The following CMIP variants were observed in gnomAD, a reference collection of about 807,000 sequenced individuals.
CMIP encodes C-Maf-inducing protein.
A neutral mutation model predicts 97.3 loss-of-function variants in CMIP; 13 were observed. That is an observed-to-expected ratio of 0.13 (90% CI 0.09 to 0.21). The LOEUF is 0.21. Among genes scored for constraint, CMIP ranks in the 10% least tolerant of loss-of-function variants. CMIP has a pLI of 1.00. For missense variants in CMIP, 847 were observed against 1,024.9 expected (o/e 0.83, Z 2.37); for synonymous variants, 538 against 436.3 (o/e 1.23, Z -2.91).
chr16:81,532,142 C>T (rs1248367955), intron 1 of CMIP, among the ~76,000 whole-genome samples: 1 of 152,130 alleles, frequency 6.6e-6, no homozygotes, highest in African/African-American at 2.4e-5. Flanking sequence ...CGCAAGGTGC[C>T]CAGGTCCGAA....
At chr16:81,676,948 C>T (rs1201371242) in intron 9 of CMIP, among the ~76,000 whole-genome samples, 1 of 152,192 alleles carries the variant, frequency 6.6e-6, no homozygotes, top group South Asian at 2.1e-4. Flanking sequence ...CAGCTGTTTT[C>T]AATCGTGCCG....
intron 10 of CMIP, among the ~76,000 whole-genome samples, chr16:81,684,979 G>A (rs927858387): frequency 6.6e-6 from 1 of 152,220 alleles, no homozygotes; most frequent in African/African-American, 2.4e-5. Context: ...GTCCCGAGGC[G>A]GGGACTCTGC....
chr16:81,581,983 TC>T, intron 1 of CMIP, among the ~76,000 whole-genome samples: 1 of 152,174 alleles, frequency 6.6e-6, no homozygotes, highest in Non-Finnish European at 1.5e-5. Context: ...AGCATCAGCT[TC>T]TGGGGAGGCC....
At chr16:81,456,962 A>G (rs532045379) in intron 1 of CMIP, among the ~76,000 whole-genome samples, 1 of 152,110 alleles carries the variant, frequency 6.6e-6, no homozygotes, top group East Asian at 1.9e-4. Flanking sequence ...CCCTCGTTGA[A>G]CCTGGGGTGG....
chr16:81,615,672 CTG>C (rs936457987), intron 2 of CMIP, among the ~76,000 whole-genome samples: 1 of 131,946 alleles, frequency 7.6e-6, no homozygotes, highest in Non-Finnish European at 1.6e-5. Flanking sequence ...GTGTATGTGT[CTG>C]TGTGTGTGGT....
intron 2 of CMIP, among the ~76,000 whole-genome samples, chr16:81,610,754 A>C (rs958944787): frequency 1.3e-5 from 2 of 152,124 alleles, no homozygotes; most frequent in Non-Finnish European, 2.9e-5. Flanking sequence ...GGCGGGGTGC[A>C]CTTGGCCCCT....
intron 1 of CMIP, among the ~76,000 whole-genome samples, chr16:81,492,504 G>A (rs899958395): frequency 4.6e-4 from 70 of 152,282 alleles, no homozygotes; most frequent in African/African-American, 1.5e-3. Flanking sequence ...TCCTCTGGCT[G>A]CAGAGCAGGG....
At chr16:81,617,199 G>A (rs999694272) in intron 2 of CMIP, 1 of 152,276 alleles carries the variant, frequency 6.6e-6, no homozygotes, top group Admixed American at 6.5e-5. Context: ...AGGCCCTGCA[G>A]GTCCCTCAGG....
intron 2 of CMIP, chr16:81,620,063 C>T (rs966034720): frequency 6.6e-6 from 1 of 152,172 alleles, no homozygotes; most frequent in Non-Finnish European, 1.5e-5. Context: ...TGACCACCTG[C>T]CATGTGCCAA....
rs916434204 is a variant in CMIP at position 81,655,245 on chromosome 16, G to T, written c.640-2530G>T. Among the ~76,000 whole-genome samples the T allele has an allele frequency of 2.6e-5, 4 of 152,270 alleles. 2 individuals are homozygous for T. Among genetic ancestry groups the T allele is most frequent in the Admixed American group, 2.6e-4 (4 of 15,298 alleles). On this transcript the variant is annotated intron_variant, in intron 4 of 20. Transcript: ENST00000537098. This position sits in a 1 kb window ranked among gnomAD's most constrained non-coding sequence, Gnocchi z 4.9. ...TGGGGCTGGGTTGTTTCTCTGTTCT[G>T]TTTGCCCAAGTTGTTTGCAAGGCCT...
chr16:81,550,847 C>A (rs1458539758), intron 1 of CMIP, among the ~76,000 whole-genome samples: 1 of 149,620 alleles, frequency 6.7e-6, no homozygotes, highest in East Asian at 1.9e-4. Context: ...AGTTCCATCA[C>A]ACACACCCCA....
At chr16:81,582,954 G>T (rs2091320896) in intron 1 of CMIP, among the ~76,000 whole-genome samples, 1 of 152,196 alleles carries the variant, frequency 6.6e-6, no homozygotes, top group Admixed American at 6.5e-5. Flanking sequence ...CGGTGGCAGT[G>T]TGGGGTAGCA....
At chr16:81,650,897 G>C (rs147208936) in intron 3 of CMIP, among the ~76,000 whole-genome samples, 75 of 152,314 alleles carry the variant, frequency 4.9e-4, no homozygotes, top group African/African-American at 1.6e-3. Context: ...CGTCCCACCA[G>C]TGTGCCTCAC....
chr16:81,594,895 G>A (rs897421337), intron 1 of CMIP, among the ~76,000 whole-genome samples: 27 of 150,548 alleles, frequency 1.8e-4, no homozygotes, highest in African/African-American at 6.6e-4. Context: ...CTCCCAAAGT[G>A]CTGGGGATTA....
Position 81,563,255 on chromosome 16 carries a change from T to G in CMIP, c.301-44312T>G, listed in dbSNP as rs984696018. Among the ~76,000 whole-genome samples the G allele has an allele frequency of 2.0e-5, 3 of 152,358 alleles. No individual in the cohort carries two copies. The East Asian group carries it at 5.8e-4, about 29-fold the overall frequency. On this transcript the variant is annotated intron_variant, in intron 1 of 20. Transcript: ENST00000537098. ...GTGAGAATACAGCAAAGCCTCAAGCTTGCCTTGAGAGGGTCATCTTGGCTT... is the reference window on the plus strand; with the variant it reads ...GTGAGAATACAGCAAAGCCTCAAGCGTGCCTTGAGAGGGTCATCTTGGCTT...
At chr16:81,487,316 C>T (rs2150762709) in intron 1 of CMIP, among the ~76,000 whole-genome samples, 1 of 152,324 alleles carries the variant, frequency 6.6e-6, no homozygotes, top group East Asian at 1.9e-4. Flanking sequence ...TCACGGCGAG[C>T]TGGCACCTGG....
At chr16:81,650,642 CTTCAGTTTTTCAAGAGACAGA>C (rs1037955499) in intron 3 of CMIP, among the ~76,000 whole-genome samples, 3 of 152,134 alleles carry the variant, frequency 2.0e-5, no homozygotes, top group Non-Finnish European at 4.4e-5. Flanking sequence ...GTTTCATCTC[CTTCAGTTTTTCAAGAGACAGA>C]TTCAGTCTCA....
chr16:81,610,375 CT>C (rs1452673656), intron 2 of CMIP: 14 of 985,512 alleles, frequency 1.4e-5, no homozygotes, highest in Middle Eastern at 5.1e-4. Context: ...TCACTGCCCC[CT>C]GATCCCGTGG....
In CMIP at chr16:81,693,521, G is replaced by C. The variant is rs191514756; in HGVS notation, c.1530+34G>C. On this transcript the variant is annotated intron_variant, in intron 13 of 20. Transcript: ENST00000537098. ...TTTGTTTCTGCATCTCAGGCCGGCT[G>C]TCTGGGGATGGCAGGATGCACGAGG... 1.1e-5 allele frequency: 17 copies of C among 1,599,988 alleles called. No individual in the cohort carries two copies. The African/African-American group carries it at 2.1e-4, about 20-fold the overall frequency.
Sources: gnomAD v4.1 joint callset for allele counts (sites outside exome capture counted in the v4.1 genomes callset) on GRCh38, gnomAD v4.1.1 for gene constraint, Gnocchi (gnomAD v3.1) non-coding constraint, MANE v1.5 for transcripts, NCBI Gene and HGNC (gene_info 2026-07-23, HGNC 2026-07-21) for gene names.